CCDC9: variants seen among roughly 807,000 people sequenced by gnomAD.
CCDC9 encodes the protein coiled-coil domain containing 9, also known as coiled-coil domain-containing protein 9.
In CCDC9, 52 loss-of-function variants were observed where a neutral mutation model predicts 65.6. The ratio of observed to expected loss-of-function variants is 0.79; its 90% CI spans 0.63 to 1.00. The LOEUF is 1.00. CCDC9 is among the 50% of genes least tolerant of loss of function. The pLI is 0.00. For synonymous variants in CCDC9, 332 were observed against 280.3 expected (o/e 1.18, Z -1.84); for missense variants, 834 against 757.2 (o/e 1.10, Z -1.19).
rs1458336267 is a variant in CCDC9 at position 47,271,750 on chromosome 19, C to T, written c.*72C>T. 2.3e-3 allele frequency: 1,859 copies of T among 822,746 alleles called. 14 individuals are homozygous for T. Among genetic ancestry groups the T allele is most frequent in the East Asian group, 0.012 (268 of 21,630 alleles). 51.0% of individuals were successfully genotyped at this position (822,746 alleles called of 1,614,324 possible). Reference sequence around the variant, plus strand: ...GTGTGTGTGCGCGCGCGCGCGCGCGCGCGCGCGCGCTAGAGGGGTGTGGCT... The same window carrying T: ...GTGTGTGTGCGCGCGCGCGCGCGCGTGCGCGCGCGCTAGAGGGGTGTGGCT... On this transcript the variant is annotated 3_prime_UTR_variant, in exon 12 of 12. Transcript: ENST00000221922.
At chr19:47,273,365 C>A, downstream of CCDC9, 1 of 1,231,814 alleles carries the variant, frequency 8.1e-7, no homozygotes, top group Admixed American at 4.2e-5. Flanking sequence ...AGAGGCAGGC[C>A]CCGAAGGCCA....
At position 47,270,673 on chromosome 19, in the gene CCDC9, C is replaced by T. The variant is rs199892243; in HGVS notation, c.1070C>T (p.Ala357Val). 9.7e-4 allele frequency: 1,560 copies of T among 1,611,314 alleles called. 2 individuals carry two copies. The highest frequency in any genetic ancestry group is 1.4e-3 in the Admixed American group (84 of 60,002). The change falls in exon 10 of 12, where the codon GCG (alanine) becomes GTG (valine). Residue 357 changes from alanine to valine, a missense_variant. Coordinates refer to ENST00000221922, the MANE Select transcript of CCDC9 (RefSeq NM_015603.3). ...AGCAGTCGGCCCCAGGCCAAGGCAG[C>T]GCCCAGGGCCTACAGGTGGGGCACC... is the stretch of plus-strand genomic sequence containing the variant. ...RKSSRPQAKA[A>V]PRAYSDHDDR...
rs1489952929 is a variant in CCDC9 at position 47,271,768 on chromosome 19, G to A, written c.*90G>A. On this transcript the variant is annotated 3_prime_UTR_variant, in exon 12 of 12. Transcript: ENST00000221922. ...GCGCGCGCGCGCGCGCGCTAGAGGGGTGTGGCTGGTGGGGGACCCTTGGGG... is the reference window on the plus strand; with the variant it reads ...GCGCGCGCGCGCGCGCGCTAGAGGGATGTGGCTGGTGGGGGACCCTTGGGG... 2 of 1,466,356 alleles carry A rather than the reference G, an allele frequency of 1.4e-6. No individual in the cohort carries two copies. Among genetic ancestry groups the A allele is most frequent in the Middle Eastern group, 2.6e-4 (1 of 3,912 alleles). 90.8% of individuals were successfully genotyped at this position (1,466,356 alleles called of 1,614,324 possible).
chr19:47,273,327 C>T (rs1473904302), downstream of CCDC9: 2 of 1,224,862 alleles, frequency 1.6e-6, no homozygotes, highest in Non-Finnish European at 2.0e-6. Flanking sequence ...GACTGCTCCC[C>T]TCCGCTGACT....
chr19:47,261,318 TTC>T (rs1313086637), intron 5 of CCDC9, among the ~76,000 whole-genome samples: 1 of 152,114 alleles, frequency 6.6e-6, no homozygotes, highest in African/African-American at 2.4e-5. Context: ...CTGTGTGGCA[TTC>T]TGTTTCTGTG....
At position 47,271,302 on chromosome 19, in the gene CCDC9, G is replaced by A. The variant is rs781229704; in HGVS notation, c.1220G>A (p.Arg407Gln). ...CCCGAGATCCCAGCTCCTGCCCACC[G>A]GCCTCCTGAAGACGAGGGGGAAGAG... ...QPPEIPAPAHRPPEDEGEENE... is the reference protein window; with the variant it reads ...QPPEIPAPAHQPPEDEGEENE... Residue 407 changes from arginine to glutamine, a missense_variant, in exon 12 of 12, where the codon CGG (arginine) becomes CAG (glutamine). By Grantham distance (43) the Arg-to-Gln change is conservative. Transcript: ENST00000221922. 66 of 1,612,526 alleles carry A rather than the reference G, an allele frequency of 4.1e-5. 1 individual carries two copies. In the African/African-American group the frequency reaches 4.5e-4, roughly 11 times the overall value.
chr19:47,270,637 G>A lies in CCDC9; in HGVS notation c.1034G>A (p.Arg345Lys). Residue 345 changes from arginine to lysine, a missense_variant, in exon 10 of 12, where the codon AGA (arginine) becomes AAA (lysine). Transcript: ENST00000221922. ...CACAAAGCTGAGGCCAGCAGCCGCA[G>A]AAGGAGAAAGAGCAGTCGGCCCCAG... Reference protein sequence around the residue: ...SQHKAEASSRRRRKSSRPQAK... With the variant: ...SQHKAEASSRKRRKSSRPQAK... 6.2e-7 allele frequency: 1 copy of A among 1,612,860 alleles called. No individual in the cohort carries two copies.
chr19:47,256,942 G>C (rs1008426803), intron 1 of CCDC9, among the ~76,000 whole-genome samples: 7 of 151,150 alleles, frequency 4.6e-5, no homozygotes, highest in Admixed American at 3.3e-4. Flanking sequence ...GGGCCAGAAA[G>C]TTTTGCCTTA....
downstream of CCDC9, chr19:47,274,534 T>G: frequency 6.1e-6 from 1 of 163,262 alleles, no homozygotes; most frequent in Non-Finnish European, 1.3e-5. Flanking sequence ...ACAGGGCGGG[T>G]TAGGGCTCCA....
rs768916396 is a variant in CCDC9, at chr19:47,271,097, C to T, written c.1101C>T (p.Arg367=). 12 of 1,556,938 alleles carry T rather than the reference C, an allele frequency of 7.7e-6. No individual in the cohort carries two copies. Among genetic ancestry groups the T allele is most frequent in the Admixed American group, 2.0e-5 (1 of 49,406 alleles). ...APRAYSDHDD[R]WETKEGAASP... is the part of the protein sequence containing the mutation. Reference sequence around the variant, plus strand: ...TTCCCTCTAGTGACCATGATGACCGCTGGGAGACAAAAGAAGGGGCAGCAT... The same window carrying T: ...TTCCCTCTAGTGACCATGATGACCGTTGGGAGACAAAAGAAGGGGCAGCAT... Residue 367 remains arginine (R), a synonymous_variant, in exon 11 of 12, where the codon CGC becomes CGT. Transcript: ENST00000221922.
downstream of CCDC9, chr19:47,275,100 C>T: frequency 1.3e-6 from 2 of 1,493,646 alleles, no homozygotes; most frequent in Non-Finnish European, 1.8e-6. Flanking sequence ...CACGCGGTCT[C>T]CCGCGGCACC....
chr19:47,261,463 G>C (rs1366113593), intron 5 of CCDC9, among the ~76,000 whole-genome samples: 1 of 152,116 alleles, frequency 6.6e-6, no homozygotes, highest in Non-Finnish European at 1.5e-5. Flanking sequence ...CCGTGGACAT[G>C]GGTTGAATCT....
At chr19:47,272,148 T>G, downstream of CCDC9, 2 of 1,235,956 alleles carry the variant, frequency 1.6e-6, no homozygotes, top group Non-Finnish European at 2.0e-6. Context: ...AGGAAGGGTC[T>G]GAGGCAACTC....
intron 5 of CCDC9, among the ~76,000 whole-genome samples, chr19:47,262,583 G>A (rs1435483115): frequency 6.6e-6 from 1 of 152,120 alleles, no homozygotes; most frequent in African/African-American, 2.4e-5. Flanking sequence ...CAGCTGGGTT[G>A]CCGACATGGT....
intron 8 of CCDC9, among the ~76,000 whole-genome samples, chr19:47,269,603 G>A (rs2059102899): frequency 6.6e-6 from 1 of 152,178 alleles, no homozygotes; most frequent in East Asian, 1.9e-4. Flanking sequence ...CTCCCAAAGT[G>A]TTGGGATTAC....
At chr19:47,274,594 C>T (rs77531908), downstream of CCDC9, 2,501 of 188,160 alleles carry the variant, frequency 0.013, 42 homozygotes, top group Non-Finnish European at 0.019. Context: ...GGGCTAGATG[C>T]CTGGGCTGGA....
chr19:47,258,622 G>T lies in CCDC9; in HGVS notation c.67G>T (p.Ala23Ser). The T allele has an allele frequency of 6.2e-7, 1 of 1,614,134 alleles. No homozygotes were observed. Among genetic ancestry groups the T allele is most frequent in the Non-Finnish European group, 8.5e-7 (1 of 1,179,992 alleles). Residue 23 changes from alanine (A) to serine (S), a missense_variant, in exon 3 of 12, where the codon GCT becomes TCT. Coordinates refer to ENST00000221922, the MANE Select transcript of CCDC9 (RefSeq NM_015603.3). The stretch of plus-strand genomic sequence containing the variant: ...TGCTGAGTTGGACAAGAGGATCGAG[G>T]CTCTTCGGCGGAAGAATGAGGCCCT... ...KDAELDKRIE[A>S]LRRKNEALIR...
downstream of CCDC9, chr19:47,275,617 G>A (rs2059155566): frequency 9.9e-6 from 5 of 504,090 alleles, no homozygotes; most frequent in South Asian, 3.0e-5. Flanking sequence ...GGGATGCTGA[G>A]CACAGAGCCC....
intron 3 of CCDC9, among the ~76,000 whole-genome samples, chr19:47,259,779 G>A (rs1268230966): frequency 6.6e-6 from 1 of 152,246 alleles, no homozygotes; most frequent in African/African-American, 2.4e-5. Context: ...TGCCGTAGTG[G>A]AGGAAGCAGA....
Sources: allele counts gnomAD v4.1 joint callset (sites outside exome capture counted in the v4.1 genomes callset), GRCh38; gene constraint gnomAD v4.1.1; transcripts MANE v1.5; gene names NCBI Gene and HGNC (gene_info 2026-07-23, HGNC 2026-07-21).